Variants in ANLN observed in about 807,000 individuals in gnomAD.
ANLN encodes anillin.
ANLN carries 59 observed loss-of-function variants against 135.1 expected under a neutral mutation model. That is an observed-to-expected ratio of 0.44 (90% CI 0.35 to 0.54). The LOEUF is 0.54. Among genes scored for constraint, ANLN ranks in the 20% least tolerant of loss-of-function variants. ANLN has a pLI of 0.00. For synonymous variants in ANLN, 406 were observed against 456.4 expected, an observed-to-expected ratio of 0.89 and a Z score of 1.41; for missense variants, 1,182 against 1,340.0, an observed-to-expected ratio of 0.88 and a Z score of 1.84.
chr7:36,418,553 A>G (rs1490763047), intron 9 of ANLN, among the ~76,000 whole-genome samples: 4 of 152,158 alleles, frequency 2.6e-5, no homozygotes, highest in Non-Finnish European at 5.9e-5. Context: ...CCTAAGTGAC[A>G]TTAATATTTT....
At chr7:36,424,660 T>A (rs1273018507) in intron 16 of ANLN, 26 bp from the exon 17 acceptor site, 1 of 1,606,576 alleles carries the variant, frequency 6.2e-7, no homozygotes, top group South Asian at 1.1e-5. Flanking sequence ...GATTATAAAT[T>A]AATTATGCTT....
At chr7:36,428,307 A>C in intron 20 of ANLN, 1 of 1,275,168 alleles carries the variant, frequency 7.8e-7, no homozygotes, top group Non-Finnish European at 1.0e-6. Flanking sequence ...TCTGTTTTAG[A>C]TAAATTATGA....
chr7:36,439,033 A>G (rs914737798), intron 20 of ANLN, among the ~76,000 whole-genome samples, 171 bp from the exon 21 acceptor site: 1 of 152,190 alleles, frequency 6.6e-6, no homozygotes, highest in Non-Finnish European at 1.5e-5. Context: ...CTTCAAAAGT[A>G]TTTGTTGGTA....
chr7:36,421,072 CTTT>C (rs70977139), intron 12 of ANLN, among the ~76,000 whole-genome samples: 17,944 of 145,654 alleles, frequency 0.12, 1,110 homozygotes, highest in South Asian at 0.15. Flanking sequence ...GCTAAGGAAG[CTTT>C]TTTTTTTTGA....
chr7:36,403,361 G>C (rs182445235), intron 3 of ANLN: 1 of 152,140 alleles, frequency 6.6e-6, no homozygotes, highest in Non-Finnish European at 1.5e-5. Flanking sequence ...ATGTTATTTG[G>C]GATATCTGTG....
intron 5 of ANLN, among the ~76,000 whole-genome samples, chr7:36,410,161 G>A (rs965682761): frequency 6.6e-6 from 1 of 152,114 alleles, no homozygotes; most frequent in African/African-American, 2.4e-5. Flanking sequence ...AGCACACTTC[G>A]TGATGAAGGT....
At chr7:36,445,708 C>A (rs754570936) in intron 22 of ANLN, among the ~76,000 whole-genome samples, 1 of 152,158 alleles carries the variant, frequency 6.6e-6, no homozygotes, top group Non-Finnish European at 1.5e-5. Context: ...TTCTTGTACA[C>A]ATGGATGAGA....
chr7:36,399,972 C>T (rs752372315), intron 3 of ANLN, among the ~76,000 whole-genome samples: 5 of 151,384 alleles, frequency 3.3e-5, no homozygotes, highest in Admixed American at 2.0e-4. Context: ...TTTCACTTAT[C>T]GCCTGCCTTG....
In ANLN at chr7:36,449,701, A is replaced by G. The variant is rs760220896; in HGVS notation, c.3115A>G (p.Ser1039Gly). 7 of 1,613,834 alleles carry G rather than the reference A, an allele frequency of 4.3e-6. No homozygotes were observed. The highest frequency in any genetic ancestry group is 1.6e-4 in the Middle Eastern group (1 of 6,084). Reference sequence around the variant, plus strand: ...AAGGATAAATCTGGCTAATTGTACCAGTCGTCAGATAGAACCAGCCAACAG... The same window carrying G: ...AAGGATAAATCTGGCTAATTGTACCGGTCGTCAGATAGAACCAGCCAACAG... ...IGRINLANCT[S>G]RQIEPANREF... The change falls in exon 23 of 24, where the codon AGT becomes GGT. Residue 1039 changes from serine (S) to glycine (G), a missense_variant. This residue lies in a region of ANLN where 82 missense variants were observed against 133.3 expected (regional missense o/e 0.62). Coordinates refer to ENST00000265748, the MANE Select transcript of ANLN (RefSeq NM_018685.5).
At chr7:36,431,617 A>ATATATAT (rs141380630) in intron 20 of ANLN, among the ~76,000 whole-genome samples, 2,090 of 66,964 alleles carry the variant, frequency 0.031, 156 homozygotes, top group African/African-American at 0.047. Flanking sequence ...ATATATATAT[A>ATATATAT]ATATATATAT....
chr7:36,408,081 A>G, intron 5 of ANLN, 125 bp downstream of exon 5: 1 of 723,040 alleles, frequency 1.4e-6, no homozygotes, highest in Non-Finnish European at 2.2e-6. Context: ...TGAATGTTCC[A>G]AATGAGACCT....
chr7:36,439,348 T>C (rs1225665832), intron 21 of ANLN, 58 bp downstream of exon 21: 2 of 983,550 alleles, frequency 2.0e-6, no homozygotes, highest in Non-Finnish European at 1.5e-6. Flanking sequence ...AATACAGACT[T>C]GTTTCCCATA....
chr7:36,434,865 A>G (rs1788464204), intron 20 of ANLN, among the ~76,000 whole-genome samples: 1 of 152,148 alleles, frequency 6.6e-6, no homozygotes, highest in Non-Finnish European at 1.5e-5. Flanking sequence ...TGTCTCAAAA[A>G]CAAAACAAAA....
rs1228432093 is a variant in ANLN, at chr7:36,453,125, A to G, written c.*525A>G. The G allele has an allele frequency of 2.0e-5, 3 of 152,738 alleles. No individual in the cohort carries two copies. Among genetic ancestry groups the G allele is most frequent in the African/African-American group, 7.2e-5 (3 of 41,460 alleles). 9.5% of individuals were successfully genotyped at this position (152,738 alleles called of 1,614,324 possible). A position where few individuals can be genotyped will look rare whatever the true frequency, so the allele number is the denominator to read the frequency against. ...GAGAACTTTTTCAAATAGCAAATAT[A>G]TATTGGCTTAAAGCATGAGGCTGTC... is the stretch of plus-strand genomic sequence containing the variant. On this transcript the variant is annotated 3_prime_UTR_variant, in exon 24 of 24. Coordinates refer to ENST00000265748, the MANE Select transcript of ANLN (RefSeq NM_018685.5).
At position 36,389,998 on chromosome 7, in the gene ANLN, C is replaced by A; in HGVS notation, c.-29C>A. 1 of 1,614,126 alleles carries A rather than the reference C, an allele frequency of 6.2e-7. No individual in the cohort carries two copies. The highest frequency in any genetic ancestry group is 8.5e-7 in the Non-Finnish European group (1 of 1,179,964). On this transcript the variant is annotated 5_prime_UTR_variant, in exon 1 of 24. Transcript: ENST00000265748. ...CTTCCTGAATTTGAACCACCGTTTCCATCGTCTCGTAGTCCGACGCCTGGG... is the reference window on the plus strand; with the variant it reads ...CTTCCTGAATTTGAACCACCGTTTCAATCGTCTCGTAGTCCGACGCCTGGG...
intron 20 of ANLN, among the ~76,000 whole-genome samples, chr7:36,434,939 C>T (rs918167139): frequency 6.6e-6 from 1 of 151,950 alleles, no homozygotes; most frequent in East Asian, 1.9e-4. Context: ...CAACAGAAAG[C>T]GTATCATTGG....
At position 36,389,874 on chromosome 7, in the gene ANLN, G is replaced by A. The variant is rs1562777600; in HGVS notation, c.-153G>A. 5.1e-6 allele frequency: 7 copies of A among 1,384,184 alleles called. No homozygotes were observed. The Admixed American group carries it at 7.3e-5, about 14-fold the overall frequency. The allele number at this position is 1,384,184 out of a possible 1,614,324, so 85.7% of individuals were successfully genotyped here. The stretch of plus-strand genomic sequence containing the variant: ...GGCTGCAGAGGCCGAGTCCGTCACT[G>A]GAAGCCGAGAGGAGAGGACAGCTGG... On this transcript the variant is annotated 5_prime_UTR_variant, in exon 1 of 24. Transcript: ENST00000265748.
chr7:36,427,076 A>G, intron 20 of ANLN, 48 bp downstream of exon 20: 1 of 1,230,222 alleles, frequency 8.1e-7, no homozygotes, highest in Non-Finnish European at 1.2e-6. Context: ...TTTTAATCTT[A>G]GAAAAATTAG....
chr7:36,428,932 C>A (rs1339603518), intron 20 of ANLN, among the ~76,000 whole-genome samples: 1 of 151,812 alleles, frequency 6.6e-6, no homozygotes, highest in African/African-American at 2.4e-5. Context: ...GTGCATGCAA[C>A]CACATCTGGC....
Sources: allele counts gnomAD v4.1 joint callset (sites outside exome capture counted in the v4.1 genomes callset), GRCh38; gene constraint gnomAD v4.1.1; regional missense constraint gnomAD v4.1.1; transcripts MANE v1.5; gene names NCBI Gene and HGNC (gene_info 2026-07-23, HGNC 2026-07-21).